Variants in ZNF292 observed in about 807,000 individuals in gnomAD.
ZNF292 encodes the protein zinc finger protein 292.
In ZNF292, 26 loss-of-function variants were observed where a neutral mutation model predicts 217.9. That is an observed-to-expected ratio of 0.12 (90% CI 0.09 to 0.17). The LOEUF (loss-of-function observed/expected upper bound fraction) is 0.17, where lower values mean the gene tolerates loss of function less well. Among genes scored for constraint, ZNF292 ranks in the 10% least tolerant of loss-of-function variants. The pLI is 1.00. For synonymous variants in ZNF292, 1,257 were observed against 1,124.1 expected (o/e 1.12, Z -2.37); for missense variants, 2,904 against 3,175.2 (o/e 0.91, Z 2.05).
intron 1 of ZNF292, among the ~76,000 whole-genome samples, chr6:87,174,913 A>G (rs1771233589): frequency 6.6e-6 from 1 of 152,194 alleles, no homozygotes. Flanking sequence ...GTTATCTTAC[A>G]CATTTCCCGA....
chr6:87,241,154 C>T (rs566581193), intron 5 of ZNF292, among the ~76,000 whole-genome samples: 46 of 152,158 alleles, frequency 3.0e-4, no homozygotes, highest in South Asian at 1.7e-3. Context: ...CGTGGTGGCA[C>T]GCACCTGTAG....
At chr6:87,169,098 A>G (rs998661314) in intron 1 of ZNF292, among the ~76,000 whole-genome samples, 4 of 151,938 alleles carry the variant, frequency 2.6e-5, no homozygotes, top group Non-Finnish European at 4.4e-5. Context: ...GCTGCAGTGC[A>G]GTGGCACCAT....
intron 1 of ZNF292, among the ~76,000 whole-genome samples, chr6:87,203,600 G>A (rs190765961): frequency 1.3e-5 from 2 of 152,072 alleles, no homozygotes; most frequent in South Asian, 2.1e-4. Context: ...ATCTGCAAGG[G>A]GGGGTGGGGT....
chr6:87,182,334 A>G (rs1007113639), intron 1 of ZNF292, among the ~76,000 whole-genome samples: 4 of 152,218 alleles, frequency 2.6e-5, no homozygotes, highest in Non-Finnish European at 5.9e-5. Context: ...AGAACTTTTC[A>G]ATTCTATTAC....
intron 5 of ZNF292, among the ~76,000 whole-genome samples, chr6:87,239,644 C>T (rs550790350): frequency 8.8e-5 from 11 of 124,964 alleles, no homozygotes; most frequent in African/African-American, 3.3e-4. Context: ...GGGCGGCTGC[C>T]GGGCGGAGGG....
intron 5 of ZNF292, among the ~76,000 whole-genome samples, chr6:87,241,828 A>G (rs1180551280): frequency 6.6e-6 from 1 of 152,120 alleles, no homozygotes; most frequent in Non-Finnish European, 1.5e-5. Context: ...TCAGCTTACT[A>G]TTTTTCAGCT....
At chr6:87,156,886 C>G (rs1042502125) in intron 1 of ZNF292, among the ~76,000 whole-genome samples, 2 of 152,148 alleles carry the variant, frequency 1.3e-5, no homozygotes, top group African/African-American at 4.8e-5. Context: ...CTGGTGAAGA[C>G]TTTGATTTGA....
At chr6:87,217,901 AT>A (rs1201751904) in intron 3 of ZNF292, among the ~76,000 whole-genome samples, 1 of 152,092 alleles carries the variant, frequency 6.6e-6, no homozygotes, top group Non-Finnish European at 1.5e-5. Flanking sequence ...TGTTTTAACT[AT>A]TTAAACATTT....
intron 1 of ZNF292, among the ~76,000 whole-genome samples, chr6:87,193,421 T>C (rs140316172): frequency 6.6e-6 from 1 of 152,000 alleles, no homozygotes; most frequent in Non-Finnish European, 1.5e-5. Flanking sequence ...ACACCTGTAG[T>C]TCCAGCTACT....
chr6:87,232,284 G>A (rs1773694500), intron 4 of ZNF292, among the ~76,000 whole-genome samples: 1 of 152,028 alleles, frequency 6.6e-6, no homozygotes, highest in Admixed American at 6.5e-5. Context: ...AAAAATGAAA[G>A]TACTAGAGGG....
In ZNF292 at chr6:87,255,632, A is replaced by T; in HGVS notation, c.2003A>T (p.Glu668Val). The T allele has an allele frequency of 8.7e-6, 14 of 1,612,880 alleles. No homozygotes were observed. The highest frequency in any genetic ancestry group is 1.2e-5 in the Non-Finnish European group (14 of 1,179,328). The change falls in exon 8 of 8, where the codon GAA becomes GTA. Residue 668 changes from glutamate (E) to valine (V), a missense_variant. Coordinates refer to ENST00000369577, the MANE Select transcript of ZNF292 (RefSeq NM_015021.3). ...NDDKDKSYEP[E>V]VIPVQKPVPV... ...GACAAAGATAAATCCTATGAGCCAG[A>T]AGTGATTCCAGTCCAGAAACCAGTA...
intron 1 of ZNF292, among the ~76,000 whole-genome samples, chr6:87,186,044 A>C (rs1771641271): frequency 6.6e-6 from 1 of 152,190 alleles, no homozygotes; most frequent in Non-Finnish European, 1.5e-5. Context: ...TGATCAACTT[A>C]GTCTTCAGCC....
chr6:87,195,955 G>T (rs944502586), intron 1 of ZNF292, among the ~76,000 whole-genome samples: 2 of 151,416 alleles, frequency 1.3e-5, no homozygotes, highest in Non-Finnish European at 2.9e-5. Context: ...TTGAACCCAG[G>T]AGGTGGAGGT....
At chr6:87,235,697 A>G (rs1421597119) in intron 5 of ZNF292, among the ~76,000 whole-genome samples, 2 of 152,208 alleles carry the variant, frequency 1.3e-5, no homozygotes, top group Non-Finnish European at 2.9e-5. Context: ...GGAGATGATC[A>G]GGAAAATTCT....
intron 4 of ZNF292, 114 bp downstream of exon 4, chr6:87,218,845 A>G: frequency 8.4e-7 from 1 of 1,189,332 alleles, no homozygotes. Flanking sequence ...CCATTTAATT[A>G]AATATCTTCT....
chr6:87,182,351 A>G (rs571372395), intron 1 of ZNF292, among the ~76,000 whole-genome samples: 7 of 152,326 alleles, frequency 4.6e-5, no homozygotes, highest in Admixed American at 6.5e-5. Context: ...TTACTTTATT[A>G]TCATGCTTGG....
At chr6:87,207,911 G>C (rs1032118663) in intron 1 of ZNF292, among the ~76,000 whole-genome samples, 10 of 151,962 alleles carry the variant, frequency 6.6e-5, no homozygotes, top group African/African-American at 2.4e-4. Context: ...TCATGTTAGA[G>C]CTCCCTTTTT....
At chr6:87,237,302 G>C (rs564982406) in intron 5 of ZNF292, among the ~76,000 whole-genome samples, 1 of 152,146 alleles carries the variant, frequency 6.6e-6, no homozygotes, top group Non-Finnish European at 1.5e-5. Flanking sequence ...CTGGAGTGCA[G>C]TGGTGTGATC....
At chr6:87,159,693 G>A (rs1166798245) in intron 1 of ZNF292, among the ~76,000 whole-genome samples, 1 of 151,622 alleles carries the variant, frequency 6.6e-6, no homozygotes, top group Non-Finnish European at 1.5e-5. Flanking sequence ...CTAGAGACAG[G>A]GTTTCTCCTT....
Sources: gnomAD v4.1 joint callset for allele counts (sites outside exome capture counted in the v4.1 genomes callset) on GRCh38, gnomAD v4.1.1 for gene constraint, MANE v1.5 for transcripts, NCBI Gene and HGNC (gene_info 2026-07-23, HGNC 2026-07-21) for gene names.